The following INPP4B variants were observed in gnomAD, a reference collection of about 807,000 sequenced individuals.
INPP4B encodes inositol polyphosphate-4-phosphatase type II B, also known as inositol polyphosphate 4-phosphatase type II.
INPP4B carries 55 observed loss-of-function variants against 122.5 expected under a neutral mutation model. The observed-to-expected ratio is 0.45, with a 90% confidence interval of 0.36 to 0.56. The LOEUF (loss-of-function observed/expected upper bound fraction) is 0.56. Among genes scored for constraint, INPP4B ranks in the 20% least tolerant of loss-of-function variants. INPP4B has a pLI of 0.00. For synonymous variants in INPP4B, 403 were observed against 388.7 expected (o/e 1.04, Z -0.43); for missense variants, 1,000 against 1,097.7 (o/e 0.91, Z 1.26).
At chr4:142,495,213 A>G (rs1363095679) in intron 2 of INPP4B, among the ~76,000 whole-genome samples, 1 of 145,890 alleles carries the variant, frequency 6.9e-6, no homozygotes, top group Non-Finnish European at 1.5e-5. Flanking sequence ...CTTTAGTAAC[A>G]TTTCCTTGGG....
intron 2 of INPP4B, among the ~76,000 whole-genome samples, chr4:142,613,232 A>G (rs967084998): frequency 6.6e-6 from 1 of 152,226 alleles, no homozygotes; most frequent in African/African-American, 2.4e-5. Flanking sequence ...CATCTAGTTT[A>G]ATACACTACT....
At position 142,808,668 on chromosome 4, in the gene INPP4B, C is replaced by G. The variant is rs139037054; in HGVS notation, c.-254+37541G>C. Reference sequence around the variant, plus strand: ...CCTTTGACAATGCAAACATAAGTCCCTATCATTCTCTATTTTTATTCATGT... The same window carrying G: ...CCTTTGACAATGCAAACATAAGTCCGTATCATTCTCTATTTTTATTCATGT... On this transcript the variant is annotated intron_variant, in intron 1 of 25. Coordinates refer to ENST00000262992, the MANE Select transcript of INPP4B (RefSeq NM_001101669.3). 5.3e-4 allele frequency among the ~76,000 whole-genome samples: 80 copies of G among 152,236 alleles called. 2 individuals carry two copies. Among genetic ancestry groups the G allele is most frequent in the African/African-American group, 1.6e-3 (67 of 41,554 alleles).
intron 2 of INPP4B, among the ~76,000 whole-genome samples, chr4:142,554,384 A>G (rs1330572623): frequency 7.6e-6 from 1 of 131,632 alleles, no homozygotes; most frequent in Non-Finnish European, 1.7e-5. Flanking sequence ...AAAAAAAAAA[A>G]GGAAAAAAAA....
chr4:142,177,158 T>C (rs567711188), intron 15 of INPP4B, among the ~76,000 whole-genome samples: 4 of 152,194 alleles, frequency 2.6e-5, no homozygotes, highest in Non-Finnish European at 4.4e-5. Flanking sequence ...TGATGAAGTC[T>C]TTTTAACGAT....
chr4:142,434,619 A>C (rs955985490), intron 3 of INPP4B, among the ~76,000 whole-genome samples: 4 of 152,166 alleles, frequency 2.6e-5, no homozygotes, highest in African/African-American at 9.7e-5. Flanking sequence ...GAGACCTAGC[A>C]CATGTCTCTG....
At chr4:142,209,195 A>T (rs916693188) in intron 12 of INPP4B, among the ~76,000 whole-genome samples, 169 bp from the exon 13 acceptor site, 2 of 152,226 alleles carry the variant, frequency 1.3e-5, no homozygotes, top group Non-Finnish European at 2.9e-5. Context: ...TTAGCACAAA[A>T]AAATATGAAT....
chr4:142,123,018 A>T (rs1364194668), intron 20 of INPP4B, among the ~76,000 whole-genome samples: 1 of 152,136 alleles, frequency 6.6e-6, no homozygotes, highest in Non-Finnish European at 1.5e-5. Context: ...AAATCCAGTC[A>T]TTGCAACTAT....
At chr4:142,107,591 CT>C (rs1228938377) in intron 23 of INPP4B, among the ~76,000 whole-genome samples, 3 of 152,142 alleles carry the variant, frequency 2.0e-5, no homozygotes, top group Non-Finnish European at 4.4e-5. Context: ...GGTGCCTTAA[CT>C]TTTTTTGCAT....
At chr4:142,553,995 C>A (rs973430311) in intron 2 of INPP4B, among the ~76,000 whole-genome samples, 16 of 152,006 alleles carry the variant, frequency 1.1e-4, no homozygotes, top group African/African-American at 3.4e-4. Context: ...TTGAGACCAG[C>A]CTGGCCAACA....
intron 2 of INPP4B, among the ~76,000 whole-genome samples, chr4:142,715,014 G>T (rs563248879): frequency 5.3e-5 from 8 of 152,266 alleles, no homozygotes; most frequent in Admixed American, 3.3e-4. Flanking sequence ...GTCTACCAAA[G>T]GTAGTCTTTT....
intron 5 of INPP4B, among the ~76,000 whole-genome samples, chr4:142,405,580 C>T (rs564920774): frequency 1.3e-5 from 2 of 152,214 alleles, no homozygotes; most frequent in African/African-American, 4.8e-5. Context: ...GAGATCCCAG[C>T]TCTAATGCGT....
At chr4:142,233,200 A>G (rs1380952386) in intron 12 of INPP4B, among the ~76,000 whole-genome samples, 3 of 145,854 alleles carry the variant, frequency 2.1e-5, no homozygotes, top group Non-Finnish European at 3.0e-5. Context: ...GTGTCTGTAT[A>G]TGTGTGTGTG....
At chr4:142,566,710 C>T (rs1731692962) in intron 2 of INPP4B, among the ~76,000 whole-genome samples, 1 of 152,138 alleles carries the variant, frequency 6.6e-6, no homozygotes. Flanking sequence ...AGTATTTAAA[C>T]CCCACTTCTA....
chr4:142,614,672 A>G (rs1743308681), intron 2 of INPP4B, among the ~76,000 whole-genome samples: 1 of 152,078 alleles, frequency 6.6e-6, no homozygotes, highest in South Asian at 2.1e-4. Flanking sequence ...ATCCAGAACC[A>G]AAGGAACTCA....
intron 2 of INPP4B, among the ~76,000 whole-genome samples, chr4:142,641,102 G>A (rs1218169180): frequency 6.6e-6 from 1 of 151,826 alleles, no homozygotes; most frequent in Admixed American, 6.6e-5. Context: ...GCACATACAC[G>A]AGCCCCAAGA....
chr4:142,079,079 A>G (rs937371025), intron 25 of INPP4B, among the ~76,000 whole-genome samples: 4 of 152,024 alleles, frequency 2.6e-5, no homozygotes, highest in African/African-American at 9.7e-5. Flanking sequence ...ATTGCGTTTT[A>G]GTATAGGACA....
intron 7 of INPP4B, among the ~76,000 whole-genome samples, chr4:142,377,099 T>G (rs1389592644): frequency 7.1e-6 from 1 of 140,072 alleles, no homozygotes; most frequent in East Asian, 2.1e-4. Flanking sequence ...CGATTTCATC[T>G]TTAATGTTTC....
intron 23 of INPP4B, among the ~76,000 whole-genome samples, chr4:142,091,171 T>C (rs1222407488): frequency 6.6e-6 from 1 of 152,192 alleles, no homozygotes; most frequent in Non-Finnish European, 1.5e-5. Flanking sequence ...ATTCCAAAGC[T>C]GAGCAATGGG....
chr4:142,623,938 T>A (rs1745614722), intron 2 of INPP4B, among the ~76,000 whole-genome samples: 2 of 152,138 alleles, frequency 1.3e-5, no homozygotes, highest in Admixed American at 1.3e-4. Context: ...ACGGTGTATA[T>A]GTGCCACATT....
Sources: allele counts gnomAD v4.1 joint callset (sites outside exome capture counted in the v4.1 genomes callset), GRCh38; gene constraint gnomAD v4.1.1; transcripts MANE v1.5; gene names NCBI Gene and HGNC (gene_info 2026-07-23, HGNC 2026-07-21).